Variants in EIF2AK1 observed in about 807,000 individuals in gnomAD.
The protein encoded by EIF2AK1 is eukaryotic translation initiation factor 2 alpha kinase 1.
EIF2AK1 carries 54 observed loss-of-function variants against 77.9 expected under a neutral mutation model. The ratio of observed to expected loss-of-function variants is 0.69; its 90% CI spans 0.56 to 0.87. The LOEUF is 0.87. Among genes scored for constraint, EIF2AK1 ranks in the 40% least tolerant of loss-of-function variants. EIF2AK1 has a pLI of 0.00. For missense variants in EIF2AK1, 810 were observed against 768.6 expected, an observed-to-expected ratio of 1.05 and a Z score of -0.64; for synonymous variants, 314 against 290.5, an observed-to-expected ratio of 1.08 and a Z score of -0.82.
In EIF2AK1 at chr7:6,026,934, G is replaced by C; in HGVS notation, c.1558C>G (p.Leu520Val). ...KSDMYSLGVV[L>V]LELFQPFGTE... Reference sequence around the variant, plus strand: ...CCAAACGGCTGAAAGAGCTCTAGCAGGACCACACCCAAGCTGTACATATCT... The same window carrying C: ...CCAAACGGCTGAAAGAGCTCTAGCACGACCACACCCAAGCTGTACATATCT... The change falls in exon 14 of 15, where the codon CTG becomes GTG. Residue 520 changes from leucine to valine, a missense_variant. Leu to Val is a conservative substitution (Grantham distance 32, BLOSUM62 1). This residue lies in a region of EIF2AK1 where 549 missense variants were observed against 533.7 expected (regional missense o/e 1.03). Coordinates refer to ENST00000199389, the MANE Select transcript of EIF2AK1 (RefSeq NM_014413.4). The C allele has an allele frequency of 6.2e-7, 1 of 1,614,040 alleles. No individual in the cohort carries two copies. The highest frequency in any genetic ancestry group is 8.5e-7 in the Non-Finnish European group (1 of 1,180,012).
In EIF2AK1 at chr7:6,026,938, C is replaced by A; in HGVS notation, c.1554G>T (p.Val518=). 6.2e-7 allele frequency: 1 copy of A among 1,614,050 alleles called. No individual in the cohort carries two copies. Among genetic ancestry groups the A allele is most frequent in the African/African-American group, 1.3e-5 (1 of 74,992 alleles). Residue 518 remains valine (V), a synonymous_variant, in exon 14 of 15, where the codon GTG becomes GTT. Coordinates refer to ENST00000199389, the MANE Select transcript of EIF2AK1 (RefSeq NM_014413.4). ...DAKSDMYSLG[V]VLLELFQPFG... The stretch of plus-strand genomic sequence containing the variant: ...ACGGCTGAAAGAGCTCTAGCAGGAC[C>A]ACACCCAAGCTGTACATATCTGACT...
rs924126570 is a variant in EIF2AK1, at chr7:6,056,327, G to A, written c.119-1623C>T. On this transcript the variant is annotated intron_variant, in intron 1 of 14. Transcript: ENST00000199389. ...AAAAAAAAAAAGGCCGGGTACGGTG[G>A]CTCACGCCTATAATCCCAGCACTTT... 2.1e-5 allele frequency among the ~76,000 whole-genome samples: 3 copies of A among 145,390 alleles called. No homozygotes were observed. The East Asian group carries it at 6.1e-4, about 30-fold the overall frequency.
intron 2 of EIF2AK1, among the ~76,000 whole-genome samples, chr7:6,053,646 A>AG (rs1343936180): frequency 6.8e-6 from 1 of 146,838 alleles, no homozygotes; most frequent in Non-Finnish European, 1.5e-5. Context: ...TACAGGCGTG[A>AG]GCCACCGCGC....
At chr7:6,050,699 T>TTCATGCCA (rs1207679616) in intron 2 of EIF2AK1, among the ~76,000 whole-genome samples, 1 of 148,252 alleles carries the variant, frequency 6.7e-6, no homozygotes, top group Non-Finnish European at 1.5e-5. Context: ...GCCTCCCGGG[T>TTCATGCCA]TCATGCCATT....
chr7:6,023,837 G>GT lies in EIF2AK1; in HGVS notation c.*835dup. The GT allele has an allele frequency of 2.6e-6, 4 of 1,553,700 alleles. No homozygotes were observed. The highest frequency in any genetic ancestry group is 3.5e-6 in the Non-Finnish European group (4 of 1,148,278). On this transcript the variant is annotated 3_prime_UTR_variant, in exon 15 of 15. Transcript: ENST00000199389. ...CAATAAAAGCATCATGTAATTTATGGTTTTCATTTTATTTAAAATTCAGCA... is the reference window on the plus strand; with the variant it reads ...CAATAAAAGCATCATGTAATTTATGGTTTTTCATTTTATTTAAAATTCAGCA...
chr7:6,042,748 C>G (rs957725805), intron 8 of EIF2AK1, among the ~76,000 whole-genome samples, 185 bp downstream of exon 8: 2 of 152,048 alleles, frequency 1.3e-5, no homozygotes, highest in African/African-American at 4.8e-5. Flanking sequence ...CACCTATAGT[C>G]CCAGCTATTC....
At chr7:6,058,880 A>G in intron 1 of EIF2AK1, 86 bp downstream of exon 1, 2 of 1,244,598 alleles carry the variant, frequency 1.6e-6, no homozygotes, top group South Asian at 1.6e-5. Flanking sequence ...CCAGGTCCTC[A>G]GGCAAACCTC....
At chr7:6,042,481 A>C (rs1027967492) in intron 8 of EIF2AK1, among the ~76,000 whole-genome samples, 1 of 151,878 alleles carries the variant, frequency 6.6e-6, no homozygotes, top group Non-Finnish European at 1.5e-5. Flanking sequence ...GACAGGAAAT[A>C]TCTGAAAGGA....
chr7:6,023,680 C>T lies in EIF2AK1; in HGVS notation c.*993G>A, dbSNP rs1420707837. ...GGCTCCTTTTAACACGGCCCTCAAG[C>T]TCCTTAAGTGAATTGCCGTAACTGA... On this transcript the variant is annotated 3_prime_UTR_variant, in exon 15 of 15. Transcript: ENST00000199389. 1.1e-5 allele frequency: 18 copies of T among 1,613,994 alleles called. No individual in the cohort carries two copies. Among genetic ancestry groups the T allele is most frequent in the Admixed American group, 1.7e-5 (1 of 59,974 alleles).
chr7:6,045,946 C>A, intron 6 of EIF2AK1, 125 bp downstream of exon 6: 1 of 556,228 alleles, frequency 1.8e-6, no homozygotes, highest in South Asian at 2.3e-5. Flanking sequence ...ACTATAACCC[C>A]ATTCCTAGTA....
chr7:6,050,998 G>T (rs1035582503), intron 2 of EIF2AK1, among the ~76,000 whole-genome samples: 1 of 152,098 alleles, frequency 6.6e-6, no homozygotes, highest in African/African-American at 2.4e-5. Flanking sequence ...ACAAAAAAAA[G>T]AGTAAACAAA....
In EIF2AK1 at chr7:6,024,808, G is replaced by A; in HGVS notation, c.1765-7C>T. The A allele has an allele frequency of 6.7e-7, 1 of 1,496,586 alleles. No individual in the cohort carries two copies. Among genetic ancestry groups the A allele is most frequent in the African/African-American group, 1.5e-5 (1 of 68,944 alleles). 92.7% of individuals were successfully genotyped at this position (1,496,586 alleles called of 1,614,324 possible). A position where few individuals can be genotyped will look rare whatever the true frequency, so the allele number is the denominator to read the frequency against. On this transcript the variant is annotated splice_polypyrimidine_tract_variant and splice_region_variant and intron_variant, in intron 14 of 14. Coordinates refer to ENST00000199389, the MANE Select transcript of EIF2AK1 (RefSeq NM_014413.4). ...TCTGTAGGGTGAGGTTAACCTGTAA[G>A]GAGAAAATATTTTAAACTCCATTAA...
chr7:6,037,417 C>T lies in EIF2AK1; in HGVS notation c.1332+7G>A, dbSNP rs1788139328. The T allele has an allele frequency of 1.3e-6, 2 of 1,584,336 alleles. No homozygotes were observed. The highest frequency in any genetic ancestry group is 2.2e-5 in the East Asian group (1 of 44,682). On this transcript the variant is annotated splice_region_variant and intron_variant, in intron 11 of 14. Transcript: ENST00000199389. ...CTGCTTTCAATGATTTCATCGCCCC[C>T]ACTTACCTTCAGATCTCGGTGCACA...
chr7:6,046,052 TA>T lies in EIF2AK1; in HGVS notation c.630+18del. ...TAAATACACAATTATTCAAAATAAG[TA>T]ATTTTTAAAAATCATACCTTCATGC... On this transcript the variant is annotated intron_variant, in intron 6 of 14. Transcript: ENST00000199389. The T allele has an allele frequency of 2.1e-6, 3 of 1,451,430 alleles. No individual in the cohort carries two copies. The highest frequency in any genetic ancestry group is 9.4e-7 in the Non-Finnish European group (1 of 1,060,806). 89.9% of individuals were successfully genotyped at this position (1,451,430 alleles called of 1,614,324 possible). A position where few individuals can be genotyped will look rare whatever the true frequency, so the allele number is the denominator to read the frequency against.
chr7:6,045,264 C>T (rs1379076284), intron 6 of EIF2AK1, among the ~76,000 whole-genome samples: 1 of 152,024 alleles, frequency 6.6e-6, no homozygotes, highest in African/African-American at 2.4e-5. Flanking sequence ...CACTACCACA[C>T]CCAGCTAATT....
chr7:6,024,723 A>G lies in EIF2AK1; in HGVS notation c.1843T>C (p.Ser615Pro). ...AELKKQLNLL[S>P]QDKGVRDDGK... is the part of the protein sequence containing the mutation. ...TCATCCCTCACCCCTTTGTCTTGAG[A>G]AAGGAGGTTTAGCTGCTTCTTTAGT... is the stretch of plus-strand genomic sequence containing the variant. Residue 615 changes from serine (S) to proline (P), a missense_variant, in exon 15 of 15, where the codon TCT (serine) becomes CCT (proline). By Grantham distance (74) the Ser-to-Pro change is moderately conservative. Transcript: ENST00000199389. 1 of 1,608,338 alleles carries G rather than the reference A, an allele frequency of 6.2e-7. No individual in the cohort carries two copies. Among genetic ancestry groups the G allele is most frequent in the Non-Finnish European group, 8.5e-7 (1 of 1,178,420 alleles).
In EIF2AK1 at chr7:6,023,134, T is replaced by G; in HGVS notation, c.*1539A>C. The G allele has an allele frequency of 1.3e-6, 1 of 765,324 alleles. No homozygotes were observed. The highest frequency in any genetic ancestry group is 2.0e-6 in the Non-Finnish European group (1 of 496,446). 47.4% of individuals were successfully genotyped at this position (765,324 alleles called of 1,614,324 possible). A position where few individuals can be genotyped will look rare whatever the true frequency, so the allele number is the denominator to read the frequency against. ...AACATAGTTTGCACTTAAACCCTTT[T>G]CAGTAGTAAGCATCTTAGAGACAGA... is the stretch of plus-strand genomic sequence containing the variant. On this transcript the variant is annotated 3_prime_UTR_variant, in exon 15 of 15. Transcript: ENST00000199389.
chr7:6,055,676 T>TAAAAA (rs34819894), intron 1 of EIF2AK1, among the ~76,000 whole-genome samples: 1 of 116,242 alleles, frequency 8.6e-6, no homozygotes, highest in Non-Finnish European at 1.8e-5. Context: ...ACTAAACAGG[T>TAAAAA]AAAAAAAAAA....
chr7:6,028,646 T>TA lies in EIF2AK1; in HGVS notation c.1498_1499insT (p.Glu500ValfsTer7). ...ATCATACTCAGATCCTTCCAACTGT[T>TA]CGGGTGAAGCGTACAGACAAGTACC... On this transcript the variant is annotated frameshift_variant, in exon 13 of 15. Transcript: ENST00000199389. LOFTEE classifies it high-confidence loss of function. 1 of 1,614,216 alleles carries TA rather than the reference T, an allele frequency of 6.2e-7. No homozygotes were observed. Among genetic ancestry groups the TA allele is most frequent in the Non-Finnish European group, 8.5e-7 (1 of 1,180,020 alleles).
Sources: gnomAD v4.1 joint callset for allele counts (sites outside exome capture counted in the v4.1 genomes callset) on GRCh38, gnomAD v4.1.1 for gene constraint, gnomAD v4.1.1 regional missense constraint, MANE v1.5 for transcripts, NCBI Gene and HGNC (gene_info 2026-07-23, HGNC 2026-07-21) for gene names.